Variants in TBL1X observed in about 807,000 individuals in gnomAD.
TBL1X encodes the protein F-box-like/WD repeat-containing protein TBL1X.
In TBL1X, 10 loss-of-function variants were observed where a neutral mutation model predicts 50.7. The ratio of observed to expected loss-of-function variants is 0.20; its 90% CI spans 0.12 to 0.33. TBL1X has a LOEUF of 0.33. Ranked by LOEUF, TBL1X falls within the 10% of genes least tolerant of loss-of-function variation. The pLI, the probability that TBL1X is intolerant of heterozygous loss-of-function variation, is 1.00. For synonymous variants in TBL1X, 190 were observed against 214.7 expected (o/e 0.88, Z 1.01); for missense variants, 340 against 504.4 (o/e 0.67, Z 3.12).
chrX:9,543,977 A>AACAAAAAAC lies in TBL1X; in HGVS notation c.-131+42130_-131+42138dup, dbSNP rs1252913810. Among the ~76,000 whole-genome samples, 3 of 110,831 alleles carry AACAAAAAAC rather than the reference A, an allele frequency of 2.7e-5. No individual in the cohort carries two copies. In the Admixed American group the frequency reaches 2.9e-4, roughly 11 times the overall value. The stretch of plus-strand genomic sequence containing the variant: ...AGGGATAATCTGCTATTCTTAAGAA[A>AACAAAAAAC]ACAAAAAACAATCACAAATCTCCCT... On this transcript the variant is annotated intron_variant, in intron 2 of 17. Transcript: ENST00000645353.
chrX:9,567,761 C>T (rs2082359228), intron 2 of TBL1X, among the ~76,000 whole-genome samples: 2 of 112,008 alleles, frequency 1.8e-5, no homozygotes, highest in South Asian at 3.8e-4. Context: ...CTCAGCGCCC[C>T]ATCTTGCCCC....
At chrX:9,693,547 G>T (rs2083112452) in intron 11 of TBL1X, 128 bp downstream of exon 11, 1 of 646,415 alleles carries the variant, frequency 1.5e-6, no homozygotes, top group South Asian at 3.0e-5. Flanking sequence ...AAAATGATTT[G>T]TTTAGGCTTT....
At chrX:9,558,614 G>T (rs763781435) in intron 2 of TBL1X, among the ~76,000 whole-genome samples, 5 of 111,112 alleles carry the variant, frequency 4.5e-5, no homozygotes, top group Non-Finnish European at 9.4e-5. Flanking sequence ...ACAAAGAAGT[G>T]AACATAGTGG....
intron 2 of TBL1X, among the ~76,000 whole-genome samples, chrX:9,588,450 A>C (rs774452818): frequency 8.9e-6 from 1 of 111,933 alleles, no homozygotes; most frequent in African/African-American, 3.3e-5. Context: ...AAGAAATTCC[A>C]TGAGGAACAA....
intron 1 of TBL1X, among the ~76,000 whole-genome samples, chrX:9,470,728 G>A (rs928681933): frequency 6.3e-5 from 7 of 110,912 alleles, no homozygotes; most frequent in African/African-American, 1.3e-4. Context: ...TCCGCTTCCC[G>A]GGATCAAGCA....
intron 1 of TBL1X, among the ~76,000 whole-genome samples, chrX:9,478,772 AT>A (rs780239136): frequency 2.3e-3 from 263 of 112,046 alleles, no homozygotes; most frequent in African/African-American, 8.2e-3. Flanking sequence ...GGTTTTTAAA[AT>A]TTTCTTTTCT....
chrX:9,711,656 C>T lies in TBL1X; in HGVS notation c.1485C>T (p.Gly495=), dbSNP rs770177823. Residue 495 remains glycine (G), a synonymous_variant, in exon 16 of 18, where the codon GGC becomes GGT. Transcript: ENST00000645353. Reference sequence around the variant, plus strand: ...TGCGACTGTGGGACATAGAACGAGGCGTCTGCACCCACACGCTCACGAAGC... The same window carrying T: ...TGCGACTGTGGGACATAGAACGAGGTGTCTGCACCCACACGCTCACGAAGC... The part of the protein sequence containing the change: ...STVRLWDIER[G]VCTHTLTKHQ... 70 of 1,207,401 alleles carry T rather than the reference C, an allele frequency of 5.8e-5. No homozygotes were observed. The highest frequency in any genetic ancestry group is 2.2e-6 in the Non-Finnish European group (2 of 893,400).
intron 8 of TBL1X, 140 bp downstream of exon 8, chrX:9,691,851 G>A: frequency 1.1e-6 from 1 of 898,926 alleles, no homozygotes; most frequent in East Asian, 3.2e-5. Context: ...GGAATGGGTG[G>A]CTCTATGAGC....
intron 2 of TBL1X, among the ~76,000 whole-genome samples, chrX:9,602,539 A>T (rs1177171726): frequency 9.0e-6 from 1 of 111,571 alleles, no homozygotes; most frequent in Non-Finnish European, 1.9e-5. Flanking sequence ...GAAACATGAA[A>T]ATCAGATCAA....
Position 9,660,533 on chromosome X carries a change from A to G in TBL1X, c.211+6211A>G, listed in dbSNP as rs73478853. Among the ~76,000 whole-genome samples the G allele has an allele frequency of 2.8e-3, 318 of 112,119 alleles. 1 individual carries two copies. The highest frequency in any genetic ancestry group is 9.6e-3 in the African/African-American group (295 of 30,862). ...AGCTCTAAAGATTTAAAGACCCTAG[A>G]GGATGGTTGAAATCTCCTTATTCAG... On this transcript the variant is annotated intron_variant, in intron 5 of 17. Coordinates refer to ENST00000645353, the MANE Select transcript of TBL1X (RefSeq NM_005647.4).
At chrX:9,514,111 T>C (rs2082069909) in intron 2 of TBL1X, among the ~76,000 whole-genome samples, 1 of 110,999 alleles carries the variant, frequency 9.0e-6, no homozygotes, top group Non-Finnish European at 1.9e-5. Flanking sequence ...ACATCCAAAC[T>C]ATGTCACCAA....
intron 2 of TBL1X, among the ~76,000 whole-genome samples, chrX:9,545,826 A>G (rs1302218797): frequency 9.0e-6 from 1 of 111,231 alleles, no homozygotes; most frequent in Non-Finnish European, 1.9e-5. Flanking sequence ...TGTTTGATCC[A>G]AGTTGTACTC....
At chrX:9,561,786 T>C (rs965520432) in intron 2 of TBL1X, among the ~76,000 whole-genome samples, 2 of 112,264 alleles carry the variant, frequency 1.8e-5, no homozygotes, top group Admixed American at 9.5e-5. Context: ...CAGATACTTA[T>C]GTAAGTGAAT....
chrX:9,532,064 T>C (rs2082165018), intron 2 of TBL1X, among the ~76,000 whole-genome samples: 1 of 111,523 alleles, frequency 9.0e-6, no homozygotes, highest in African/African-American at 3.3e-5. Context: ...AAATCAGTGC[T>C]GTCTGTGGGG....
intron 2 of TBL1X, among the ~76,000 whole-genome samples, chrX:9,523,998 C>T (rs1174174536): frequency 1.3e-5 from 1 of 75,078 alleles, no homozygotes; most frequent in African/African-American, 5.4e-5. Flanking sequence ...GACAGAGTCT[C>T]ACTCTGTTGC....
At chrX:9,507,403 C>T (rs1398865465) in intron 2 of TBL1X, among the ~76,000 whole-genome samples, 1 of 111,464 alleles carries the variant, frequency 9.0e-6, no homozygotes, top group Non-Finnish European at 1.9e-5. Context: ...AGGACCTCTT[C>T]AAGGATAACT....
At position 9,701,339 on chromosome X, in the gene TBL1X, G is replaced by A. The variant is rs779931028; in HGVS notation, c.1115-3654G>A. Among the ~76,000 whole-genome samples the A allele has an allele frequency of 3.6e-5, 4 of 109,622 alleles. 1 individual carries two copies. In the East Asian group the frequency reaches 1.1e-3, roughly 32 times the overall value. On this transcript the variant is annotated intron_variant, in intron 12 of 17. Transcript: ENST00000645353. The stretch of plus-strand genomic sequence containing the variant: ...AACTGGCCTATGCATGGGAGGGAGG[G>A]CACAGAGGCCCCCAGTGTAGCTCAG...
At chrX:9,474,692 C>T (rs1431611423) in intron 1 of TBL1X, among the ~76,000 whole-genome samples, 1 of 112,930 alleles carries the variant, frequency 8.9e-6, no homozygotes, top group Non-Finnish European at 1.9e-5. Context: ...GCATTGTTTT[C>T]ATAATCACTG....
intron 2 of TBL1X, among the ~76,000 whole-genome samples, chrX:9,597,698 C>T (rs1208044851): frequency 8.9e-6 from 1 of 112,463 alleles, no homozygotes; most frequent in Non-Finnish European, 1.9e-5. Flanking sequence ...CATGCGTGTC[C>T]TTTAGGAACG....
Sources: gnomAD v4.1 joint callset for allele counts (sites outside exome capture counted in the v4.1 genomes callset) on GRCh38, gnomAD v4.1.1 for gene constraint, MANE v1.5 for transcripts, NCBI Gene and HGNC (gene_info 2026-07-23, HGNC 2026-07-21) for gene names.